The following SCGB2B2 variants were observed in gnomAD, a reference collection of about 807,000 sequenced individuals.
SCGB2B2 encodes the protein secretoglobin family 2B member 2.
SCGB2B2 carries 11 observed loss-of-function variants against 7.6 expected under a neutral mutation model. The observed-to-expected ratio is 1.45, with a 90% confidence interval of 0.91 to 2.40. SCGB2B2 has a LOEUF of 2.40. Ranked by LOEUF, SCGB2B2 falls within the 30% of genes most tolerant of loss-of-function variation. The pLI is 0.00. For missense variants in SCGB2B2, 104 were observed against 115.4 expected (o/e 0.90, Z 0.45); for synonymous variants, 50 against 48.6 (o/e 1.03, Z -0.12).
At chr19:34,629,844 C>T (rs912693558) in intron 1 of SCGB2B2, among the ~76,000 whole-genome samples, 5 of 151,974 alleles carry the variant, frequency 3.3e-5, no homozygotes, top group African/African-American at 7.2e-5. Flanking sequence ...GGAGGCATCA[C>T]GCTACCTGAC....
chr19:34,594,821 C>G lies in SCGB2B2; in HGVS notation c.-258G>C. The G allele has an allele frequency of 1.9e-6, 1 of 518,466 alleles. No homozygotes were observed. The highest frequency in any genetic ancestry group is 3.5e-6 in the Non-Finnish European group (1 of 282,296). The allele number at this position is 518,466 out of a possible 1,614,324, so 32.1% of individuals were successfully genotyped here. On this transcript the variant is annotated 5_prime_UTR_variant, in exon 2 of 4. Coordinates refer to ENST00000601241, the MANE Select transcript of SCGB2B2 (RefSeq NM_001025591.4). ...GGGAGGGGTTGGGTGTTGTGACATT[C>G]TCTCTGTCCTCCCTGGAGCTCCCTG...
At position 34,591,983 on chromosome 19, in the gene SCGB2B2, T is replaced by C. The variant is rs1404396991; in HGVS notation, c.*1572A>G. Among the ~76,000 whole-genome samples the C allele has an allele frequency of 1.3e-5, 2 of 152,182 alleles. No individual in the cohort carries two copies. Among genetic ancestry groups the C allele is most frequent in the East Asian group, 3.9e-4 (2 of 5,188 alleles). Reference sequence around the variant, plus strand: ...TTGTTTTCCACTGGGTGCCCGGCTCTGGGAAAGGGCCTGATGTGTGGCAGG... The same window carrying C: ...TTGTTTTCCACTGGGTGCCCGGCTCCGGGAAAGGGCCTGATGTGTGGCAGG... On this transcript the variant is annotated 3_prime_UTR_variant, in exon 4 of 4. Coordinates refer to ENST00000601241, the MANE Select transcript of SCGB2B2 (RefSeq NM_001025591.4).
intron 1 of SCGB2B2, among the ~76,000 whole-genome samples, chr19:34,644,826 AT>A (rs2066950177): frequency 6.6e-6 from 1 of 152,256 alleles, no homozygotes. Context: ...AAGTAGAAAC[AT>A]TTATAATTAA....
intron 1 of SCGB2B2, among the ~76,000 whole-genome samples, chr19:34,608,299 T>C (rs2065834817): frequency 6.6e-6 from 1 of 152,030 alleles, no homozygotes; most frequent in African/African-American, 2.4e-5. Context: ...CTTTTGTATG[T>C]ATATTTTGTA....
chr19:34,657,682 G>C (rs1260113975), intron 1 of SCGB2B2, among the ~76,000 whole-genome samples: 1 of 152,038 alleles, frequency 6.6e-6, no homozygotes, highest in East Asian at 1.9e-4. Flanking sequence ...GTCAGTATTA[G>C]ATCAATGGAG....
At chr19:34,652,261 A>G (rs896092419) in intron 1 of SCGB2B2, among the ~76,000 whole-genome samples, 8 of 151,330 alleles carry the variant, frequency 5.3e-5, no homozygotes, top group Non-Finnish European at 1.5e-5. Context: ...AACAAAAGCA[A>G]AAATAGGATA....
At chr19:34,648,492 T>C (rs913418175) in intron 1 of SCGB2B2, among the ~76,000 whole-genome samples, 5 of 152,194 alleles carry the variant, frequency 3.3e-5, no homozygotes, top group African/African-American at 4.8e-5. Context: ...AGAGAATATT[T>C]GTCTGGTTAC....
chr19:34,602,206 A>T (rs1157181551), intron 1 of SCGB2B2, among the ~76,000 whole-genome samples: 3 of 152,160 alleles, frequency 2.0e-5, no homozygotes, highest in Non-Finnish European at 4.4e-5. Flanking sequence ...AAATGTGCAT[A>T]TAGTTTTTTC....
At chr19:34,656,779 A>G (rs1303857067) in intron 1 of SCGB2B2, among the ~76,000 whole-genome samples, 1 of 151,346 alleles carries the variant, frequency 6.6e-6, no homozygotes, top group Non-Finnish European at 1.5e-5. Context: ...AATGTTGTAT[A>G]ACTTTCTTAT....
chr19:34,657,568 G>A (rs2067315844), intron 1 of SCGB2B2, among the ~76,000 whole-genome samples: 1 of 152,040 alleles, frequency 6.6e-6, no homozygotes, highest in African/African-American at 2.4e-5. Context: ...AAATATATAT[G>A]CACCCAATGC....
At chr19:34,590,379 G>A (rs886619783), downstream of SCGB2B2, among the ~76,000 whole-genome samples, 62 of 136,764 alleles carry the variant, frequency 4.5e-4, 1 homozygote, top group Admixed American at 2.7e-3. Flanking sequence ...CCATCCATCC[G>A]TTCATCCATC....
At chr19:34,670,908 G>C (rs1480188725) in intron 1 of SCGB2B2, among the ~76,000 whole-genome samples, 2 of 152,154 alleles carry the variant, frequency 1.3e-5, no homozygotes, top group African/African-American at 2.4e-5. Context: ...TGTGAGGTTT[G>C]GGATCAGAAC....
intron 1 of SCGB2B2, among the ~76,000 whole-genome samples, chr19:34,664,670 A>G (rs1218918979): frequency 6.6e-6 from 1 of 152,120 alleles, no homozygotes; most frequent in East Asian, 1.9e-4. Flanking sequence ...CTGTTCCAGC[A>G]AACTCCTTGT....
intron 1 of SCGB2B2, among the ~76,000 whole-genome samples, chr19:34,606,034 CG>C (rs1600042070): frequency 1.3e-5 from 2 of 150,990 alleles, no homozygotes; most frequent in African/African-American, 4.9e-5. Context: ...TGTATTTTTA[CG>C]TAGTTACTAA....
intron 1 of SCGB2B2, among the ~76,000 whole-genome samples, chr19:34,635,906 G>T (rs1212385306): frequency 1.3e-5 from 2 of 152,226 alleles, no homozygotes; most frequent in Non-Finnish European, 2.9e-5. Flanking sequence ...GTGCTAGGGG[G>T]TGTCTGTACT....
At position 34,595,683 on chromosome 19, in the gene SCGB2B2, G is replaced by A. The variant is rs2065430471; in HGVS notation, c.-1120C>T. 6.6e-6 allele frequency: 1 copy of A among 152,210 alleles called. No individual in the cohort carries two copies. Among genetic ancestry groups the A allele is most frequent in the African/African-American group, 2.4e-5 (1 of 41,438 alleles). 9.4% of individuals were successfully genotyped at this position (152,210 alleles called of 1,614,324 possible). On this transcript the variant is annotated 5_prime_UTR_variant, in exon 2 of 4. Transcript: ENST00000601241. ...ACTTATTCCCGTATTTTTATGGCCA[G>A]TTTATACAGGCACCCCACAAGCCCT...
At chr19:34,604,171 C>T (rs113779687) in intron 1 of SCGB2B2, among the ~76,000 whole-genome samples, 3,083 of 152,264 alleles carry the variant, frequency 0.02, 45 homozygotes, top group East Asian at 0.066. Flanking sequence ...TCACTCACTG[C>T]CCTCCCAGTT....
chr19:34,607,343 T>G (rs1367131416), intron 1 of SCGB2B2, among the ~76,000 whole-genome samples: 1 of 152,232 alleles, frequency 6.6e-6, no homozygotes, highest in African/African-American at 2.4e-5. Flanking sequence ...TATCACATTT[T>G]CTTTATCCAT....
At chr19:34,659,394 C>T (rs541992553) in intron 1 of SCGB2B2, among the ~76,000 whole-genome samples, 17 of 152,126 alleles carry the variant, frequency 1.1e-4, no homozygotes, top group Non-Finnish European at 2.4e-4. Flanking sequence ...AAAACCTCAT[C>T]GTTTCAGCCA....
Sources: gnomAD v4.1 joint callset for allele counts (sites outside exome capture counted in the v4.1 genomes callset) on GRCh38, gnomAD v4.1.1 for gene constraint, MANE v1.5 for transcripts, NCBI Gene and HGNC (gene_info 2026-07-23, HGNC 2026-07-21) for gene names.